MAST4: variants seen among roughly 807,000 people sequenced by gnomAD.
MAST4 encodes microtubule-associated serine/threonine-protein kinase 4.
MAST4 carries 89 observed loss-of-function variants against 162.7 expected under a neutral mutation model. That is an observed-to-expected ratio of 0.55 (90% CI 0.46 to 0.65). MAST4 has a LOEUF of 0.65. Ranked by LOEUF, MAST4 falls within the 30% of genes least tolerant of loss-of-function variation. The pLI, the probability that MAST4 is intolerant of heterozygous loss-of-function variation, is 0.00. For missense variants in MAST4, 3,153 were observed against 3,374.0 expected (o/e 0.93, Z 1.62); for synonymous variants, 1,479 against 1,361.1 (o/e 1.09, Z -1.91).
At chr5:67,077,189 TC>T in intron 5 of MAST4, among the ~76,000 whole-genome samples, 1 of 151,492 alleles carries the variant, frequency 6.6e-6, no homozygotes, top group East Asian at 1.9e-4. Flanking sequence ...ACTGTAAAAT[TC>T]ACTTTTTTTT....
chr5:66,819,437 GAC>G (rs1051216295), intron 3 of MAST4, among the ~76,000 whole-genome samples: 1 of 152,280 alleles, frequency 6.6e-6, no homozygotes, highest in East Asian at 1.9e-4. Flanking sequence ...CCTCTAGGTA[GAC>G]TAAGGCTGAA....
At chr5:66,812,441 C>A (rs1365345616) in intron 3 of MAST4, among the ~76,000 whole-genome samples, 1 of 152,160 alleles carries the variant, frequency 6.6e-6, no homozygotes, top group East Asian at 1.9e-4. Context: ...CTCAGGAGAG[C>A]CCCTGCCTAT....
Position 67,110,107 on chromosome 5 carries a change from C to T in MAST4, c.1366C>T (p.Arg456Cys). Residue 456 changes from arginine to cysteine, a missense_variant, in exon 11 of 29, where the codon CGT (arginine) becomes TGT (cysteine). Physicochemically the swap from Arg to Cys is radical, Grantham distance 180. Coordinates refer to ENST00000403625, the MANE Select transcript of MAST4 (RefSeq NM_001164664.2). Reference protein sequence around the residue: ...LDKLLQEAHDRSESGELAFIK... With the variant: ...LDKLLQEAHDCSESGELAFIK... ...TATTGCTTTTTCATAGGCTCATGAT[C>T]GTTCAGAAAGTGGAGAATTGGCATT... 5 of 1,612,000 alleles carry T rather than the reference C, an allele frequency of 3.1e-6. No individual in the cohort carries two copies. Among genetic ancestry groups the T allele is most frequent in the Non-Finnish European group, 4.2e-6 (5 of 1,178,226 alleles).
At chr5:66,654,643 A>G (rs1006698088) in intron 1 of MAST4, among the ~76,000 whole-genome samples, 2 of 152,224 alleles carry the variant, frequency 1.3e-5, no homozygotes, top group Non-Finnish European at 2.9e-5. Flanking sequence ...GTTTAGAGGA[A>G]AGAATAATTT....
rs4700137 is a variant in MAST4 at position 66,596,415 on chromosome 5, C to T, written c.-241C>T. 202,287 of 400,876 alleles carry T rather than the reference C, an allele frequency of 0.5. 52,824 individuals carry two copies. Among genetic ancestry groups the T allele is most frequent in the East Asian group, 0.68 (18,208 of 26,878 alleles). 24.8% of individuals were successfully genotyped at this position (400,876 alleles called of 1,614,324 possible). On this transcript the variant is annotated 5_prime_UTR_variant, in exon 1 of 29. Coordinates refer to ENST00000403625, the MANE Select transcript of MAST4 (RefSeq NM_001164664.2). ...AGCACAGTGGAGCGCAGATCGCGGA[C>T]CCGAGCGGGCATGTCCCCGCGCGCG... is the stretch of plus-strand genomic sequence containing the variant.
chr5:66,785,457 C>T (rs897074985), intron 2 of MAST4, among the ~76,000 whole-genome samples: 3 of 152,082 alleles, frequency 2.0e-5, no homozygotes, highest in African/African-American at 7.2e-5. Context: ...GTAGATGGGG[C>T]TTTCGAGTCA....
intron 3 of MAST4, among the ~76,000 whole-genome samples, chr5:66,862,964 T>C (rs1308172742): frequency 1.3e-5 from 2 of 152,252 alleles, no homozygotes; most frequent in Non-Finnish European, 2.9e-5. Flanking sequence ...GAGTGGATTC[T>C]GTACAGAATG....
intron 3 of MAST4, among the ~76,000 whole-genome samples, chr5:66,887,764 A>G (rs1237235653): frequency 6.6e-6 from 1 of 152,236 alleles, no homozygotes; most frequent in Non-Finnish European, 1.5e-5. Context: ...TTGATTTTTA[A>G]CACTGCAATG....
At chr5:67,109,554 A>G (rs1314171272) in intron 10 of MAST4, among the ~76,000 whole-genome samples, 1 of 152,220 alleles carries the variant, frequency 6.6e-6, no homozygotes, top group Non-Finnish European at 1.5e-5. Context: ...CCCAACTGGT[A>G]TATACTTTAT....
At chr5:66,636,589 A>G (rs903941975) in intron 1 of MAST4, among the ~76,000 whole-genome samples, 1 of 152,204 alleles carries the variant, frequency 6.6e-6, no homozygotes, top group Non-Finnish European at 1.5e-5. Context: ...AAGAAAAGGT[A>G]GATTCCATAA....
chr5:66,979,508 G>A (rs868690887), intron 4 of MAST4, among the ~76,000 whole-genome samples: 1 of 152,152 alleles, frequency 6.6e-6, no homozygotes, highest in African/African-American at 2.4e-5. Flanking sequence ...TGGCCTTAAG[G>A]TCCAATTTGG....
At position 67,166,545 on chromosome 5, in the gene MAST4, GAA is replaced by G. The variant is rs767244200; in HGVS notation, c.7369_7370del (p.Lys2457ValfsTer10). The G allele has an allele frequency of 6.2e-7, 1 of 1,607,604 alleles. No homozygotes were observed. The highest frequency in any genetic ancestry group is 1.1e-5 in the South Asian group (1 of 89,622). ...QSSFRSTALP[E>X]KSLSCSSSFP... ...TTCTTTCCGATCCACGGCCCTCCCG[GAA>G]AAGTCTCTGAGCTGCTCCTCCAGCT... On this transcript the variant is annotated frameshift_variant, in exon 29 of 29. Coordinates refer to ENST00000403625, the MANE Select transcript of MAST4 (RefSeq NM_001164664.2). LOFTEE classifies it low-confidence loss of function (END_TRUNC).
At chr5:66,755,737 A>G (rs1366900203) in intron 1 of MAST4, among the ~76,000 whole-genome samples, 2 of 152,222 alleles carry the variant, frequency 1.3e-5, no homozygotes, top group Non-Finnish European at 2.9e-5. Flanking sequence ...AATCAAGCTA[A>G]TTAACATATG....
At chr5:66,639,901 C>A (rs1745371047) in intron 1 of MAST4, among the ~76,000 whole-genome samples, 1 of 152,016 alleles carries the variant, frequency 6.6e-6, no homozygotes, top group African/African-American at 2.4e-5. Context: ...ACAGTGAAGC[C>A]AATTGATATA....
intron 4 of MAST4, among the ~76,000 whole-genome samples, chr5:66,909,090 GT>G (rs1407800092): frequency 6.6e-6 from 1 of 152,150 alleles, no homozygotes; most frequent in African/African-American, 2.4e-5. Context: ...AGACCACAAA[GT>G]AGGCTGGGGA....
intron 3 of MAST4, among the ~76,000 whole-genome samples, chr5:66,896,155 C>T (rs1021817211): frequency 6.6e-6 from 1 of 151,970 alleles, no homozygotes; most frequent in Non-Finnish European, 1.5e-5. Context: ...TCAATTTATT[C>T]TTTTTTTTCA....
At chr5:66,757,127 C>T (rs1031997693) in intron 1 of MAST4, among the ~76,000 whole-genome samples, 1 of 151,832 alleles carries the variant, frequency 6.6e-6, no homozygotes, top group Non-Finnish European at 1.5e-5. Flanking sequence ...GTTTTTCTAC[C>T]CGCTGTTAAT....
chr5:67,020,600 C>A (rs991217445), intron 4 of MAST4, among the ~76,000 whole-genome samples: 3 of 152,162 alleles, frequency 2.0e-5, no homozygotes, highest in African/African-American at 4.8e-5. Flanking sequence ...CAAGTTGACG[C>A]CTCTTCCTCT....
intron 3 of MAST4, among the ~76,000 whole-genome samples, chr5:66,842,325 C>T (rs1758484955): frequency 6.6e-6 from 1 of 152,186 alleles, no homozygotes; most frequent in South Asian, 2.1e-4. Context: ...GAGAAGGCAT[C>T]TAAAATGCTT....
Sources: allele counts gnomAD v4.1 joint callset (sites outside exome capture counted in the v4.1 genomes callset), GRCh38; gene constraint gnomAD v4.1.1; transcripts MANE v1.5; gene names NCBI Gene and HGNC (gene_info 2026-07-23, HGNC 2026-07-21).